The following FHOD3 variants were observed in gnomAD, a reference collection of about 807,000 sequenced individuals.
The protein encoded by FHOD3 is FH1/FH2 domain-containing protein 3.
A neutral mutation model predicts 173.0 loss-of-function variants in FHOD3; 90 were observed. The observed-to-expected ratio is 0.52, with a 90% confidence interval of 0.44 to 0.62. The LOEUF (loss-of-function observed/expected upper bound fraction) is 0.62, where lower values mean the gene tolerates loss of function less well. Among genes scored for constraint, FHOD3 ranks in the 20% least tolerant of loss-of-function variants. The probability of loss-of-function intolerance (pLI) is 0.00; values close to 1 mark genes in which losing one functional copy is unlikely to be tolerated. For missense variants in FHOD3, 1,945 were observed against 2,034.7 expected (o/e 0.96, Z 0.85); for synonymous variants, 828 against 823.0 (o/e 1.01, Z -0.10).
At chr18:36,775,212 T>TA (rs1364999454) in intron 28 of FHOD3, among the ~76,000 whole-genome samples, 1 of 152,136 alleles carries the variant, frequency 6.6e-6, no homozygotes, top group Non-Finnish European at 1.5e-5. Context: ...TCTTTGGGAT[T>TA]AAAAAACCAA....
At chr18:36,746,735 C>T (rs1311587128) in intron 23 of FHOD3, among the ~76,000 whole-genome samples, 1 of 152,136 alleles carries the variant, frequency 6.6e-6, no homozygotes, top group Admixed American at 6.5e-5. Context: ...GTATTAAGTT[C>T]ATTTGGAGAA....
intron 3 of FHOD3, among the ~76,000 whole-genome samples, chr18:36,429,624 A>G (rs1196811867): frequency 6.6e-6 from 1 of 152,136 alleles, no homozygotes. Context: ...AGGATTGGAG[A>G]ACTAATCAGG....
chr18:36,544,936 T>A (rs746367311), intron 5 of FHOD3, among the ~76,000 whole-genome samples: 4 of 152,240 alleles, frequency 2.6e-5, no homozygotes, highest in Non-Finnish European at 5.9e-5. Context: ...ATTAAAATCC[T>A]GGGAAAATTA....
intron 3 of FHOD3, among the ~76,000 whole-genome samples, chr18:36,410,199 G>A (rs1257485335): frequency 6.6e-6 from 1 of 152,070 alleles, no homozygotes; most frequent in Admixed American, 6.5e-5. Context: ...TGGTAACCAT[G>A]AATCCACTTT....
intron 17 of FHOD3, among the ~76,000 whole-genome samples, chr18:36,698,335 C>G (rs1013765414): frequency 6.6e-6 from 1 of 152,178 alleles, no homozygotes; most frequent in Non-Finnish European, 1.5e-5. Context: ...TTTTTCTCCT[C>G]ATAGAAATGA....
intron 16 of FHOD3, among the ~76,000 whole-genome samples, chr18:36,692,396 GA>G (rs1176582258): frequency 2.6e-5 from 4 of 152,110 alleles, no homozygotes; most frequent in Non-Finnish European, 5.9e-5. Context: ...ATTTATTTCT[GA>G]AAAAATAATG....
intron 5 of FHOD3, among the ~76,000 whole-genome samples, chr18:36,516,227 G>A (rs746711067): frequency 6.6e-6 from 1 of 152,076 alleles, no homozygotes; most frequent in African/African-American, 2.4e-5. Context: ...TGCTGTCTTC[G>A]GTGGGGACTG....
intron 6 of FHOD3, among the ~76,000 whole-genome samples, chr18:36,591,562 G>C (rs1048190723): frequency 2.0e-5 from 3 of 152,158 alleles, no homozygotes; most frequent in Admixed American, 2.0e-4. Context: ...ATTCTTAGAG[G>C]CAACAGAGGC....
At chr18:36,671,072 C>A (rs1009837920) in intron 14 of FHOD3, among the ~76,000 whole-genome samples, 2 of 152,194 alleles carry the variant, frequency 1.3e-5, no homozygotes, top group African/African-American at 4.8e-5. Context: ...TTTCACTGGC[C>A]ACAGATTACT....
chr18:36,766,472 T>G (rs1389264646), intron 27 of FHOD3, among the ~76,000 whole-genome samples: 1 of 152,204 alleles, frequency 6.6e-6, no homozygotes, highest in Non-Finnish European at 1.5e-5. Context: ...TGCTAACACT[T>G]ACTACTACAT....
chr18:36,482,457 C>A (rs1330936315), intron 3 of FHOD3, among the ~76,000 whole-genome samples: 1 of 152,048 alleles, frequency 6.6e-6, no homozygotes, highest in East Asian at 1.9e-4. Context: ...GTGACCCCCC[C>A]GCCCCGCAAG....
intron 2 of FHOD3, among the ~76,000 whole-genome samples, chr18:36,357,783 G>A (rs899046512): frequency 6.6e-6 from 1 of 152,120 alleles, no homozygotes; most frequent in Non-Finnish European, 1.5e-5. Context: ...AACAGACCCC[G>A]GGAATGTTAT....
intron 6 of FHOD3, among the ~76,000 whole-genome samples, chr18:36,580,263 C>T (rs2058799317): frequency 6.6e-6 from 1 of 152,204 alleles, no homozygotes; most frequent in Non-Finnish European, 1.5e-5. Context: ...AGGTGGCACA[C>T]TCGCCTCCTC....
chr18:36,472,510 G>C (rs1397145378), intron 3 of FHOD3, among the ~76,000 whole-genome samples: 1 of 152,144 alleles, frequency 6.6e-6, no homozygotes, highest in Non-Finnish European at 1.5e-5. Flanking sequence ...TCTAATTCCA[G>C]AACATTTTCA....
intron 3 of FHOD3, among the ~76,000 whole-genome samples, chr18:36,438,064 T>C (rs911568929): frequency 6.6e-6 from 1 of 152,176 alleles, no homozygotes; most frequent in Admixed American, 6.5e-5. Flanking sequence ...CCTCTGAATC[T>C]GTTCCAAGCA....
chr18:36,748,716 G>A (rs973982122), intron 24 of FHOD3, among the ~76,000 whole-genome samples: 6 of 152,162 alleles, frequency 3.9e-5, no homozygotes, highest in East Asian at 1.9e-4. Flanking sequence ...TAAAAGGGGC[G>A]TGGCTAAAGG....
intron 5 of FHOD3, among the ~76,000 whole-genome samples, chr18:36,541,855 G>C (rs1203441140): frequency 6.6e-6 from 1 of 152,176 alleles, no homozygotes; most frequent in Non-Finnish European, 1.5e-5. Context: ...TATCCCCCTT[G>C]AGAATTCTGA....
intron 3 of FHOD3, among the ~76,000 whole-genome samples, chr18:36,465,440 C>T (rs1051353213): frequency 1.3e-5 from 2 of 152,154 alleles, no homozygotes; most frequent in African/African-American, 4.8e-5. Context: ...CTGGCGAGGG[C>T]TGAGGCTGTG....
At chr18:36,770,519 G>A (rs1006268291) in intron 28 of FHOD3, among the ~76,000 whole-genome samples, 9 of 152,138 alleles carry the variant, frequency 5.9e-5, no homozygotes, top group African/African-American at 1.9e-4. Context: ...ATCTGCTTTC[G>A]TTTCTGATGA....
Sources: allele counts gnomAD v4.1 joint callset (sites outside exome capture counted in the v4.1 genomes callset), GRCh38; gene constraint gnomAD v4.1.1; transcripts MANE v1.5; gene names NCBI Gene and HGNC (gene_info 2026-07-23, HGNC 2026-07-21).